The following NFIB variants were observed in gnomAD, a reference collection of about 807,000 sequenced individuals.
The protein encoded by NFIB is nuclear factor 1 B-type.
A neutral mutation model predicts 61.5 loss-of-function variants in NFIB; 11 were observed. The observed-to-expected ratio is 0.18, with a 90% CI of 0.11 to 0.30. The LOEUF (loss-of-function observed/expected upper bound fraction) is 0.30. Among genes scored for constraint, NFIB ranks in the 10% least tolerant of loss-of-function variants. The pLI is 1.00. For missense variants in NFIB, 471 were observed against 608.9 expected (o/e 0.77, Z 2.38); for synonymous variants, 260 against 216.5 (o/e 1.20, Z -1.76).
At chr9:14,129,030 T>C (rs2040058037) in intron 6 of NFIB, among the ~76,000 whole-genome samples, 1 of 152,188 alleles carries the variant, frequency 6.6e-6, no homozygotes, top group South Asian at 2.1e-4. Context: ...TTTCAATTCT[T>C]TTTTGGGCAT....
At chr9:14,146,951 A>C in intron 5 of NFIB, 144 bp from the exon 6 acceptor site, 4 of 1,070,182 alleles carry the variant, frequency 3.7e-6, no homozygotes, top group South Asian at 1.6e-5. Flanking sequence ...AGTATTGAAG[A>C]TATCAATAGT....
At chr9:14,462,248 C>T in the NFIB span, among the ~76,000 whole-genome samples, 1 of 151,952 alleles carries the variant, frequency 6.6e-6, no homozygotes, top group Non-Finnish European at 1.5e-5. Context: ...TGCTGAATCA[C>T]GGTATGGTAT....
chr9:14,157,268 T>C (rs993100832), intron 3 of NFIB, among the ~76,000 whole-genome samples: 1 of 152,166 alleles, frequency 6.6e-6, no homozygotes, highest in Non-Finnish European at 1.5e-5. Flanking sequence ...CAAATCTTTA[T>C]TCAGAAAATT....
chr9:14,136,535 A>T (rs2041065883), intron 6 of NFIB, among the ~76,000 whole-genome samples: 1 of 152,182 alleles, frequency 6.6e-6, no homozygotes, highest in African/African-American at 2.4e-5. Flanking sequence ...TTCAGAGGAG[A>T]ACATTTGGGG....
intron 2 of NFIB, among the ~76,000 whole-genome samples, chr9:14,249,684 G>C (rs535338285): frequency 6.6e-6 from 1 of 152,058 alleles, no homozygotes; most frequent in Admixed American, 6.6e-5. Flanking sequence ...GAGAGAGGGA[G>C]GGAGGGGAGA....
chr9:14,405,965 G>T, the NFIB span, among the ~76,000 whole-genome samples: 1 of 152,190 alleles, frequency 6.6e-6, no homozygotes, highest in Non-Finnish European at 1.5e-5. Flanking sequence ...CTAGGTTTTT[G>T]AGGGAATTGT....
chr9:14,434,914 G>C, the NFIB span, among the ~76,000 whole-genome samples: 1 of 152,230 alleles, frequency 6.6e-6, no homozygotes, highest in South Asian at 2.1e-4. Flanking sequence ...GGCACTGTAT[G>C]TGGGTGGCAA....
Position 14,087,900 on chromosome 9 carries a change from T to TA in NFIB, c.*408dup, listed in dbSNP as rs1392627410. 2 of 232,664 alleles carry TA rather than the reference T, an allele frequency of 8.6e-6. No individual in the cohort carries two copies. Among genetic ancestry groups the TA allele is most frequent in the African/African-American group, 2.2e-5 (1 of 45,246 alleles). The allele number at this position is 232,664 out of a possible 1,614,324, so 14.4% of individuals were successfully genotyped here. On this transcript the variant is annotated 3_prime_UTR_variant, in exon 11 of 11. Coordinates refer to ENST00000380953, the MANE Select transcript of NFIB (RefSeq NM_001190737.2). The stretch of plus-strand genomic sequence containing the variant: ...ATATTAAGGCATCTAGAAAGTCAGT[T>TA]AAAATATATTGTCATAGAGACAGAA...
chr9:14,487,811 A>G, the NFIB span, among the ~76,000 whole-genome samples: 1 of 152,154 alleles, frequency 6.6e-6, no homozygotes, highest in Admixed American at 6.5e-5. Context: ...ATTTTCATTC[A>G]CAGACAACCT....
intron 3 of NFIB, among the ~76,000 whole-genome samples, chr9:14,169,511 C>T (rs1367086163): frequency 2.0e-5 from 3 of 152,096 alleles, no homozygotes; most frequent in Non-Finnish European, 2.9e-5. Context: ...TGATCAATGA[C>T]ATTATCAAGC....
chr9:14,337,579 G>C (rs564785261), intron 1 of NFIB, among the ~76,000 whole-genome samples: 42 of 152,308 alleles, frequency 2.8e-4, no homozygotes, highest in African/African-American at 7.7e-4. Flanking sequence ...ACTCGGAAGT[G>C]CACATCTCCT....
intron 10 of NFIB, chr9:14,102,565 GTATT>G: frequency 7.0e-7 from 1 of 1,425,766 alleles, no homozygotes. Flanking sequence ...ACAGTTTTTA[GTATT>G]TAAATGAACA....
At chr9:14,473,518 G>A in the NFIB span, among the ~76,000 whole-genome samples, 1 of 152,118 alleles carries the variant, frequency 6.6e-6, no homozygotes. Context: ...CTCACGAATG[G>A]ACATTTCATC....
At chr9:14,323,137 A>T (rs1371366604) in intron 1 of NFIB, among the ~76,000 whole-genome samples, 1 of 152,222 alleles carries the variant, frequency 6.6e-6, no homozygotes, top group African/African-American at 2.4e-5. Context: ...CAGCGTTATC[A>T]TTAAAGCAAA....
chr9:14,376,009 C>T (rs1020212165), intron 1 of NFIB, among the ~76,000 whole-genome samples: 7 of 152,186 alleles, frequency 4.6e-5, no homozygotes, highest in Admixed American at 1.3e-4. Context: ...TAAATACTTT[C>T]ACACATCACT....
chr9:14,176,479 C>A (rs2046206837), intron 3 of NFIB, among the ~76,000 whole-genome samples: 1 of 151,982 alleles, frequency 6.6e-6, no homozygotes, highest in Non-Finnish European at 1.5e-5. Context: ...AGAATGCAAA[C>A]AAAACATTTA....
At chr9:14,518,509 T>C in the NFIB span, among the ~76,000 whole-genome samples, 26 of 151,804 alleles carry the variant, frequency 1.7e-4, 1 homozygote, top group East Asian at 3.9e-4. Flanking sequence ...AGTGGTGAGA[T>C]TGTGGATAGC....
At chr9:14,481,665 T>A in the NFIB span, among the ~76,000 whole-genome samples, 3 of 152,026 alleles carry the variant, frequency 2.0e-5, no homozygotes, top group South Asian at 6.2e-4. Context: ...TGTTTCCCCA[T>A]CTCCATGGCC....
At chr9:14,289,618 T>C (rs2058960794) in intron 2 of NFIB, among the ~76,000 whole-genome samples, 2 of 151,724 alleles carry the variant, frequency 1.3e-5, no homozygotes, top group African/African-American at 4.8e-5. Context: ...CATACATACA[T>C]ACACACACAT....
Sources: gnomAD v4.1 joint callset for allele counts (sites outside exome capture counted in the v4.1 genomes callset) on GRCh38, gnomAD v4.1.1 for gene constraint, MANE v1.5 for transcripts, NCBI Gene and HGNC (gene_info 2026-07-23, HGNC 2026-07-21) for gene names.